KIRREL3: variants seen among roughly 807,000 people sequenced by gnomAD.
The protein encoded by KIRREL3 is kin of IRRE-like protein 3.
Under a neutral mutation model 89.7 loss-of-function variants are expected in KIRREL3, and 36 were observed. The observed-to-expected ratio is 0.40, with a 90% confidence interval of 0.31 to 0.53. KIRREL3 has a LOEUF of 0.53. Among genes scored for constraint, KIRREL3 ranks in the 20% least tolerant of loss-of-function variants. The probability of loss-of-function intolerance (pLI) is 0.49; values close to 1 mark genes in which losing one functional copy is unlikely to be tolerated. For synonymous variants in KIRREL3, 445 were observed against 441.4 expected, an observed-to-expected ratio of 1.01 and a Z score of -0.10; for missense variants, 864 against 1,056.6, an observed-to-expected ratio of 0.82 and a Z score of 2.53.
Position 126,492,949 on chromosome 11 carries a change from T to A in KIRREL3, c.434-19483A>T, listed in dbSNP as rs1174121722. 1.3e-5 allele frequency among the ~76,000 whole-genome samples: 2 copies of A among 152,154 alleles called. No individual in the cohort carries two copies. Among genetic ancestry groups the A allele is most frequent in the African/African-American group, 4.8e-5 (2 of 41,434 alleles). ...GACATGCCGCAGAACTTCCTGGCCG[T>A]GGGCTGAGTGACCCAAAAGGCCGTA... On this transcript the variant is annotated intron_variant, in intron 4 of 16. Transcript: ENST00000525144. The surrounding 1 kb of genome is among the most constrained non-coding windows in gnomAD (Gnocchi z 4.8).
chr11:126,984,621 T>C (rs746516962), intron 1 of KIRREL3, among the ~76,000 whole-genome samples: 3 of 152,176 alleles, frequency 2.0e-5, no homozygotes, highest in Non-Finnish European at 2.9e-5. Flanking sequence ...AGGGCCTCAG[T>C]CAAGAGCAGT....
In KIRREL3 at chr11:126,430,102, C is replaced by T. The variant is rs1003574086; in HGVS notation, c.1697-814G>A. Among the ~76,000 whole-genome samples, 1 of 149,986 alleles carries T rather than the reference C, an allele frequency of 6.7e-6. No homozygotes were observed. The highest frequency in any genetic ancestry group is 2.5e-5 in the African/African-American group (1 of 40,534). ...GCGGTAAGCCGAGATTGTGCCACTG[C>T]ACTCCAGCCTGGGCAACAGGATGAG... On this transcript the variant is annotated intron_variant, in intron 14 of 16. Coordinates refer to ENST00000525144, the MANE Select transcript of KIRREL3 (RefSeq NM_032531.4). This position sits in a 1 kb window ranked among gnomAD's most constrained non-coding sequence, Gnocchi z 6.6.
At chr11:126,672,343 C>A (rs780780906) in intron 1 of KIRREL3, among the ~76,000 whole-genome samples, 2 of 152,106 alleles carry the variant, frequency 1.3e-5, no homozygotes, top group Non-Finnish European at 2.9e-5. Context: ...GTGCTGACAT[C>A]ACTTTACTAC....
intron 1 of KIRREL3, among the ~76,000 whole-genome samples, chr11:126,589,094 C>G (rs1942013211): frequency 6.6e-6 from 1 of 152,234 alleles, no homozygotes. Context: ...TGAGGAAATG[C>G]CTTCCAATCA....
In KIRREL3 at chr11:126,950,409, AAC is replaced by A. The variant is rs1450726368; in HGVS notation, c.55+50044_55+50045del. On this transcript the variant is annotated intron_variant, in intron 1 of 16. Coordinates refer to ENST00000525144, the MANE Select transcript of KIRREL3 (RefSeq NM_032531.4). ...AACAAACAAACAAACAAAACCAAAA[AAC>A]ATGCAGGGACACCCAATGTCTACAA... Among the ~76,000 whole-genome samples the A allele has an allele frequency of 9.2e-5, 14 of 152,174 alleles. No homozygotes were observed. The South Asian group carries it at 1.9e-3, about 20-fold the overall frequency.
At chr11:126,835,115 T>G (rs1943735191) in intron 1 of KIRREL3, among the ~76,000 whole-genome samples, 1 of 152,198 alleles carries the variant, frequency 6.6e-6, no homozygotes, top group African/African-American at 2.4e-5. Context: ...TGAGTTGAAT[T>G]CTCCTGAAGA....
Position 126,432,470 on chromosome 11 carries a change from T to G in KIRREL3, c.1589-944A>C, listed in dbSNP as rs540254310. ...AGAGAATGCTGGGGCAGGGAGAGCT[T>G]GGGGCTCTCACTGAGGTCCGGAGAA... On this transcript the variant is annotated intron_variant, in intron 13 of 16. Coordinates refer to ENST00000525144, the MANE Select transcript of KIRREL3 (RefSeq NM_032531.4). The surrounding 1 kb of genome is among the most constrained non-coding windows in gnomAD (Gnocchi z 6.2). 6.6e-6 allele frequency among the ~76,000 whole-genome samples: 1 copy of G among 152,170 alleles called. No homozygotes were observed. The highest frequency in any genetic ancestry group is 2.1e-4 in the South Asian group (1 of 4,820).
chr11:126,854,702 T>C (rs1362894594), intron 1 of KIRREL3, among the ~76,000 whole-genome samples: 1 of 152,242 alleles, frequency 6.6e-6, no homozygotes, highest in Non-Finnish European at 1.5e-5. Flanking sequence ...GAACATCTGT[T>C]TCAATCTCTG....
Position 126,788,023 on chromosome 11 carries a change from C to T in KIRREL3, c.55+212432G>A, listed in dbSNP as rs1293051891. ...TTTTACAGGCAGGGAAGCTGAAGCA[C>T]AGAGAGGTCAAGTCAATTGCCCCAG... is the stretch of plus-strand genomic sequence containing the variant. On this transcript the variant is annotated intron_variant, in intron 1 of 16. Coordinates refer to ENST00000525144, the MANE Select transcript of KIRREL3 (RefSeq NM_032531.4). The surrounding 1 kb of genome is among the most constrained non-coding windows in gnomAD (Gnocchi z 4.1). Among the ~76,000 whole-genome samples, 1 of 152,200 alleles carries T rather than the reference C, an allele frequency of 6.6e-6. No individual in the cohort carries two copies. The highest frequency in any genetic ancestry group is 1.5e-5 in the Non-Finnish European group (1 of 68,036).
rs1310225903 is a variant in KIRREL3 at position 126,705,605 on chromosome 11, A to T, written c.56-142693T>A. ...ATTAAACCTCTTTTCTTTATAAATT[A>T]TCCCACCTCAGATATTTCTTTATAG... On this transcript the variant is annotated intron_variant, in intron 1 of 16. Coordinates refer to ENST00000525144, the MANE Select transcript of KIRREL3 (RefSeq NM_032531.4). This position sits in a 1 kb window ranked among gnomAD's most constrained non-coding sequence, Gnocchi z 4.3. 3.3e-5 allele frequency among the ~76,000 whole-genome samples: 5 copies of T among 152,304 alleles called. No individual in the cohort carries two copies. In the East Asian group the frequency reaches 9.6e-4, roughly 29 times the overall value.
rs776325308 is a variant in KIRREL3, at chr11:126,521,338, C to T, written c.410G>A (p.Arg137His). 3.8e-5 allele frequency: 59 copies of T among 1,551,010 alleles called. No individual in the cohort carries two copies. In the Middle Eastern group the frequency reaches 5.0e-4, roughly 13 times the overall value. ...ACCCAGGACTGTGAGGCGTGCGGGG[C>T]GGGAGCGGATGGCGGCCTGGATGGC... ...CQAIQAAIRS[R>H]PARLTVLVPP... The change falls in exon 4 of 17, where the codon CGC becomes CAC. Residue 137 changes from arginine to histidine, a missense_variant. Coordinates refer to ENST00000525144, the MANE Select transcript of KIRREL3 (RefSeq NM_032531.4). The surrounding 1 kb of genome is among the most constrained non-coding windows in gnomAD (Gnocchi z 4.1).
intron 1 of KIRREL3, among the ~76,000 whole-genome samples, chr11:126,911,590 C>T (rs1267378050): frequency 6.6e-6 from 1 of 152,166 alleles, no homozygotes; most frequent in Admixed American, 6.5e-5. Flanking sequence ...ACCTGTGGAC[C>T]ACCCCTCAGG....
intron 1 of KIRREL3, among the ~76,000 whole-genome samples, chr11:126,968,586 T>C (rs972054063): frequency 1.3e-5 from 2 of 152,204 alleles, no homozygotes; most frequent in Admixed American, 1.3e-4. Context: ...CACATATAAA[T>C]GCTAACAGCG....
intron 1 of KIRREL3, among the ~76,000 whole-genome samples, chr11:126,806,951 TGTTA>T (rs984896458): frequency 1.1e-4 from 16 of 152,264 alleles, no homozygotes; most frequent in African/African-American, 2.9e-4. Flanking sequence ...TCTGTTCCTG[TGTTA>T]GTTTGCTGAG....
rs117482541 is a variant in KIRREL3 at position 126,584,111 on chromosome 11, A to C, written c.56-21199T>G. ...AGGAAAATGAGATGATGTATCCGTC[A>C]CAAAGCCATCCTCGTGAGTAAAATT... On this transcript the variant is annotated intron_variant, in intron 1 of 16. Coordinates refer to ENST00000525144, the MANE Select transcript of KIRREL3 (RefSeq NM_032531.4). Among the ~76,000 whole-genome samples the C allele has an allele frequency of 4.1e-3, 631 of 152,294 alleles. 27 individuals carry two copies. The East Asian group carries it at 0.052, about 12-fold the overall frequency.
In KIRREL3 at chr11:126,531,511, G is replaced by A. The variant is rs1293592627; in HGVS notation, c.134-4824C>T. On this transcript the variant is annotated intron_variant, in intron 2 of 16. Coordinates refer to ENST00000525144, the MANE Select transcript of KIRREL3 (RefSeq NM_032531.4). The surrounding 1 kb of genome is among the most constrained non-coding windows in gnomAD (Gnocchi z 4.7). ...GCTAGTCACTAAGGTCACCTGCCTC[G>A]AGTTCTCCTCGATGTTTCATTGTCC... 3.3e-5 allele frequency among the ~76,000 whole-genome samples: 5 copies of A among 151,914 alleles called. No homozygotes were observed. Among genetic ancestry groups the A allele is most frequent in the Non-Finnish European group, 7.4e-5 (5 of 68,026 alleles).
In KIRREL3 at chr11:126,440,479, G is replaced by A; in HGVS notation, c.1323C>T (p.Phe441=). The change falls in exon 11 of 17, where the codon TTC becomes TTT. Residue 441 remains phenylalanine (F), a synonymous_variant. Transcript: ENST00000525144. ...LHGEKGQIKC[F]IRSTPPPDRI... ...GGTCCGGCGGCGGCGTGCTCCGGAT[G>A]AAGCACTTGATCTGGCCCTTCTCGC... is the stretch of plus-strand genomic sequence containing the variant. The A allele has an allele frequency of 1.9e-6, 3 of 1,595,736 alleles. No individual in the cohort carries two copies. Among genetic ancestry groups the A allele is most frequent in the East Asian group, 2.3e-5 (1 of 43,900 alleles).
In KIRREL3 at chr11:126,686,375, G is replaced by A. The variant is rs961284003; in HGVS notation, c.56-123463C>T. ...ATTTATGGACCATTCTAGGAACTGT[G>A]CTTGGTGATGAGCTGCAGAGACAGA... On this transcript the variant is annotated intron_variant, in intron 1 of 16. Transcript: ENST00000525144. This position sits in a 1 kb window ranked among gnomAD's most constrained non-coding sequence, Gnocchi z 4.7. Among the ~76,000 whole-genome samples, 6 of 152,106 alleles carry A rather than the reference G, an allele frequency of 3.9e-5. No homozygotes were observed. Among genetic ancestry groups the A allele is most frequent in the African/African-American group, 1.4e-4 (6 of 41,420 alleles).
At chr11:126,509,722 G>A (rs111434154) in intron 4 of KIRREL3, among the ~76,000 whole-genome samples, 150 of 152,308 alleles carry the variant, frequency 9.8e-4, no homozygotes, top group African/African-American at 1.7e-3. Flanking sequence ...TGGGCCCAGC[G>A]TGGTAGCTCA....
Sources: gnomAD v4.1 joint callset for allele counts (sites outside exome capture counted in the v4.1 genomes callset) on GRCh38, gnomAD v4.1.1 for gene constraint, Gnocchi (gnomAD v3.1) non-coding constraint, MANE v1.5 for transcripts, NCBI Gene and HGNC (gene_info 2026-07-23, HGNC 2026-07-21) for gene names.